Variants in DMTF1 observed in about 807,000 individuals in gnomAD.
DMTF1 encodes the protein cyclin-D-binding Myb-like transcription factor 1.
A neutral mutation model predicts 91.1 loss-of-function variants in DMTF1; 39 were observed. The ratio of observed to expected loss-of-function variants is 0.43; its 90% confidence interval spans 0.33 to 0.56. The LOEUF (loss-of-function observed/expected upper bound fraction) is 0.56, where lower values mean the gene tolerates loss of function less well. Among genes scored for constraint, DMTF1 ranks in the 20% least tolerant of loss-of-function variants. DMTF1 has a pLI of 0.05. For missense variants in DMTF1, 750 were observed against 914.5 expected, an observed-to-expected ratio of 0.82 and a Z score of 2.32; for synonymous variants, 338 against 309.5, an observed-to-expected ratio of 1.09 and a Z score of -0.97.
Position 87,158,073 on chromosome 7 carries a change from C to T in DMTF1, c.-131-5422C>T, listed in dbSNP as rs112584492. ...ACAATCTAAGTAGTCATAAATAAAA[C>T]TATCAACTTTTGTGGCCCAGAAGTA... On this transcript the variant is annotated intron_variant, in intron 1 of 17. Transcript: ENST00000331242. Among the ~76,000 whole-genome samples, 578 of 152,128 alleles carry T rather than the reference C, an allele frequency of 3.8e-3. 2 individuals carry two copies. The highest frequency in any genetic ancestry group is 0.013 in the African/African-American group (531 of 41,550).
At chr7:87,161,134 TTAAATATTAA>T (rs1302643720) in intron 1 of DMTF1, among the ~76,000 whole-genome samples, 40 of 152,278 alleles carry the variant, frequency 2.6e-4, no homozygotes, top group South Asian at 1.2e-3. Flanking sequence ...GGTCAGTTTC[TTAAATATTAA>T]TAAATGTACT....
intron 1 of DMTF1, among the ~76,000 whole-genome samples, chr7:87,162,010 G>T (rs538480240): frequency 5.0e-4 from 76 of 152,268 alleles, no homozygotes; most frequent in African/African-American, 1.6e-3. Flanking sequence ...TTCAGTATGG[G>T]TTAAGGAAAT....
intron 2 of DMTF1, among the ~76,000 whole-genome samples, chr7:87,164,660 T>A (rs1046287955): frequency 1.3e-5 from 2 of 152,218 alleles, no homozygotes; most frequent in African/African-American, 4.8e-5. Flanking sequence ...TTTTGTTGGA[T>A]GTTGCAAAAA....
chr7:87,194,492 A>G (rs1362464123), intron 16 of DMTF1, 192 bp from the exon 17 acceptor site: 2 of 488,540 alleles, frequency 4.1e-6, no homozygotes, highest in South Asian at 3.2e-5. Flanking sequence ...CCTAGTCCTT[A>G]TGAGTTCCTT....
chr7:87,189,301 A>C (rs907092678), intron 13 of DMTF1, among the ~76,000 whole-genome samples: 1 of 152,170 alleles, frequency 6.6e-6, no homozygotes, highest in Non-Finnish European at 1.5e-5. Context: ...TAAACTAACC[A>C]TACCTCTTAT....
intron 10 of DMTF1, among the ~76,000 whole-genome samples, 180 bp downstream of exon 10, chr7:87,182,517 G>A (rs569195228): frequency 6.6e-6 from 1 of 152,008 alleles, no homozygotes; most frequent in African/African-American, 2.4e-5. Context: ...CTTTTACTTT[G>A]TTTTTGTATA....
At chr7:87,186,114 C>G in intron 12 of DMTF1, 134 bp downstream of exon 12, 1 of 915,168 alleles carries the variant, frequency 1.1e-6, no homozygotes, top group Admixed American at 2.4e-5. Context: ...TTCCCTGTTT[C>G]TCTCAGTAAT....
rs1287783302 is a variant in DMTF1, at chr7:87,193,580, T to TA, written c.1651-144dup. The TA allele has an allele frequency of 6.7e-6, 6 of 895,336 alleles. No individual in the cohort carries two copies. The African/African-American group carries it at 1.0e-4, about 15-fold the overall frequency. 55.5% of individuals were successfully genotyped at this position (895,336 alleles called of 1,614,324 possible). ...AGGGACATTAGAAGAACAAAGGCCC[T>TA]AGCAAGTAAAGGACAAGGGTTCTAG... On this transcript the variant is annotated intron_variant, in intron 15 of 17. Coordinates refer to ENST00000331242, the MANE Select transcript of DMTF1 (RefSeq NM_001142327.2).
In DMTF1 at chr7:87,155,852, T is replaced by C. The variant is rs888890275; in HGVS notation, c.-132+3297T>C. ...GAGCTCATTATGAACAGTTTAATTT[T>C]CTATCATTTCATATATTTAAATGTC... On this transcript the variant is annotated intron_variant, in intron 1 of 17. Transcript: ENST00000331242. 1.4e-4 allele frequency among the ~76,000 whole-genome samples: 22 copies of C among 152,194 alleles called. 1 individual carries two copies. The highest frequency in any genetic ancestry group is 4.8e-4 in the African/African-American group (20 of 41,522).
intron 17 of DMTF1, 99 bp from the exon 18 acceptor site, chr7:87,194,932 G>A: frequency 1.8e-5 from 26 of 1,419,982 alleles, no homozygotes; most frequent in Non-Finnish European, 2.4e-5. Context: ...TAAGCTACTA[G>A]TCCTGTTGAG....
In DMTF1 at chr7:87,152,547, A is replaced by T. The variant is rs1789390867; in HGVS notation, c.-140A>T. 1 of 152,752 alleles carries T rather than the reference A, an allele frequency of 6.5e-6. No homozygotes were observed. Among genetic ancestry groups the T allele is most frequent in the African/African-American group, 2.4e-5 (1 of 41,466 alleles). 9.5% of individuals were successfully genotyped at this position (152,752 alleles called of 1,614,324 possible). A position where few individuals can be genotyped will look rare whatever the true frequency, so the allele number is the denominator to read the frequency against. On this transcript the variant is annotated 5_prime_UTR_variant, in exon 1 of 18. Coordinates refer to ENST00000331242, the MANE Select transcript of DMTF1 (RefSeq NM_001142327.2). Reference sequence around the variant, plus strand: ...GGTTCTTCCAAAGTGCCCGGACCCAAAACAGGAAGTAAGTGCGATGGAACC... The same window carrying T: ...GGTTCTTCCAAAGTGCCCGGACCCATAACAGGAAGTAAGTGCGATGGAACC...
At chr7:87,178,878 A>T (rs1796793011) in intron 7 of DMTF1, among the ~76,000 whole-genome samples, 1 of 150,252 alleles carries the variant, frequency 6.7e-6, no homozygotes, top group Admixed American at 6.6e-5. Context: ...TAGTGTTTTT[A>T]TTTTGAGAAG....
chr7:87,185,847 A>AG lies in DMTF1; in HGVS notation c.1069dup (p.Ala357GlyfsTer2). On this transcript the variant is annotated frameshift_variant, in exon 12 of 18. Coordinates refer to ENST00000331242, the MANE Select transcript of DMTF1 (RefSeq NM_001142327.2). LOFTEE classifies it high-confidence loss of function. ...ACTGTAGGATAGCAGAACTTGATGT[A>AG]GCTGATGAAAATGACATTAACTGGG... 1 of 1,613,892 alleles carries AG rather than the reference A, an allele frequency of 6.2e-7. No homozygotes were observed. Among genetic ancestry groups the AG allele is most frequent in the Non-Finnish European group, 8.5e-7 (1 of 1,179,822 alleles).
At position 87,165,014 on chromosome 7, in the gene DMTF1, A is replaced by G. The variant is rs746244245; in HGVS notation, c.73A>G (p.Thr25Ala). 4.3e-5 allele frequency: 69 copies of G among 1,611,126 alleles called. No individual in the cohort carries two copies. The South Asian group carries it at 6.6e-4, about 15-fold the overall frequency. The change falls in exon 3 of 18, where the codon ACA (threonine) becomes GCA (alanine). Residue 25 changes from threonine to alanine, a missense_variant. Around this residue, in one of 3 missense-constraint regions of DMTF1, gnomAD observed 150 missense variants for 150.4 expected, o/e 1.00. Transcript: ENST00000331242. ...TVNSVTLTQD[T>A]EGNLILHCPQ... ...GAACTCTGTGACTTTGACTCAGGAC[A>G]CAGAAGGGAATCTCATTCTTCACTG...
chr7:87,167,168 A>C (rs1794021741), intron 4 of DMTF1, among the ~76,000 whole-genome samples: 1 of 152,248 alleles, frequency 6.6e-6, no homozygotes, highest in Non-Finnish European at 1.5e-5. Context: ...CCCCAATGCC[A>C]TATTGCCTCT....
At chr7:87,170,657 A>C (rs11972618) in intron 4 of DMTF1, among the ~76,000 whole-genome samples, 1,711 of 152,188 alleles carry the variant, frequency 0.011, 29 homozygotes, top group African/African-American at 0.039. Context: ...CCACCCCAAC[A>C]CATTCCCTTT....
chr7:87,172,943 G>A (rs1444617434), intron 5 of DMTF1, among the ~76,000 whole-genome samples: 2 of 152,226 alleles, frequency 1.3e-5, no homozygotes, highest in Non-Finnish European at 2.9e-5. Flanking sequence ...GCATTAATAA[G>A]GCTCTAGAGG....
At chr7:87,190,817 C>G (rs73207002) in intron 13 of DMTF1, 128 bp from the exon 14 acceptor site, 21,298 of 654,178 alleles carry the variant, frequency 0.033, 435 homozygotes, top group East Asian at 0.057. Context: ...TAAATGACTT[C>G]AGGTCTCCAG....
chr7:87,184,876 C>T (rs957332187), intron 11 of DMTF1: 3 of 594,674 alleles, frequency 5.0e-6, no homozygotes, highest in Non-Finnish European at 9.5e-6. Context: ...GAAGTCCTCT[C>T]TATATCCACA....
Sources: allele counts gnomAD v4.1 joint callset (sites outside exome capture counted in the v4.1 genomes callset), GRCh38; gene constraint gnomAD v4.1.1; regional missense constraint gnomAD v4.1.1; transcripts MANE v1.5; gene names NCBI Gene and HGNC (gene_info 2026-07-23, HGNC 2026-07-21).